PRSS37: variants seen among roughly 807,000 people sequenced by gnomAD.
PRSS37 encodes probable inactive serine protease 37.
In PRSS37, 25 loss-of-function variants were observed where a neutral mutation model predicts 28.0. The observed-to-expected ratio is 0.89, with a 90% CI of 0.65 to 1.25. PRSS37 has a LOEUF of 1.25. Ranked by LOEUF, PRSS37 falls within the 50% of genes most tolerant of loss-of-function variation. The pLI, the probability that PRSS37 is intolerant of heterozygous loss-of-function variation, is 0.00. For missense variants in PRSS37, 282 were observed against 292.2 expected (o/e 0.97, Z 0.25); for synonymous variants, 109 against 107.8 (o/e 1.01, Z -0.07).
At chr7:141,838,245 A>G (rs1801033177) in intron 2 of PRSS37, 132 bp from the exon 3 acceptor site, 2 of 1,483,322 alleles carry the variant, frequency 1.3e-6, no homozygotes, top group Non-Finnish European at 1.8e-6. Flanking sequence ...CAACAAGTCT[A>G]TGCAGTGGAT....
At position 141,841,356 on chromosome 7, in the gene PRSS37, G is replaced by T; in HGVS notation, c.-307C>A. 2.7e-6 allele frequency: 1 copy of T among 370,922 alleles called. No homozygotes were observed. Among genetic ancestry groups the T allele is most frequent in the Non-Finnish European group, 5.1e-6 (1 of 197,708 alleles). The allele number at this position is 370,922 out of a possible 1,614,324, so 23.0% of individuals were successfully genotyped here. A position where few individuals can be genotyped will look rare whatever the true frequency, so the allele number is the denominator to read the frequency against. On this transcript the variant is annotated 5_prime_UTR_variant, in exon 1 of 5. Coordinates refer to ENST00000350549, the MANE Select transcript of PRSS37 (RefSeq NM_001008270.3). ...GCCCCTAAAAACACATCTGTTTGAA[G>T]GTAGTTCAGTTGTCTGTGGAAATGG...
intron 1 of PRSS37, among the ~76,000 whole-genome samples, chr7:141,840,356 C>T (rs1801114286): frequency 1.3e-5 from 2 of 152,172 alleles, no homozygotes; most frequent in African/African-American, 4.8e-5. Flanking sequence ...TGTTAACCTT[C>T]CCCAAGACTG....
In PRSS37 at chr7:141,841,067, C is replaced by G. The variant is rs748465537; in HGVS notation, c.-18G>C. The G allele has an allele frequency of 1.9e-6, 3 of 1,613,368 alleles. No individual in the cohort carries two copies. The highest frequency in any genetic ancestry group is 1.3e-5 in the African/African-American group (1 of 74,894). ...TATTTCATGGTGATCCAGCTCTTCC[C>G]CCTGTGAGATGTAGAAGAAAATCAG... On this transcript the variant is annotated 5_prime_UTR_variant, in exon 1 of 5. Coordinates refer to ENST00000350549, the MANE Select transcript of PRSS37 (RefSeq NM_001008270.3).
chr7:141,837,723 CCAGA>C (rs1801008851), intron 3 of PRSS37, 133 bp downstream of exon 3: 1 of 1,542,350 alleles, frequency 6.5e-7, no homozygotes, highest in Non-Finnish European at 8.8e-7. Context: ...TCTCTGTTTG[CCAGA>C]CCACTCAGGT....
At chr7:141,838,726 C>T in intron 2 of PRSS37, 1 of 276,908 alleles carries the variant, frequency 3.6e-6, no homozygotes, top group Non-Finnish European at 7.1e-6. Flanking sequence ...CTAGGGGTTA[C>T]AATCCTTATC....
chr7:141,837,504 A>G (rs567354605), intron 3 of PRSS37: 136 of 1,354,898 alleles, frequency 1.0e-4, no homozygotes, highest in Non-Finnish European at 1.4e-4. Context: ...ACCTGAGGCA[A>G]TTCTCAGAGG....
At chr7:141,840,922 C>T (rs1801130187) in intron 1 of PRSS37, 94 bp downstream of exon 1, 2 of 1,274,122 alleles carry the variant, frequency 1.6e-6, no homozygotes, top group Non-Finnish European at 2.3e-6. Flanking sequence ...CTATTTTTGA[C>T]TCTTTTTCTG....
chr7:141,838,259 AT>A (rs1166057841), intron 2 of PRSS37, 146 bp from the exon 3 acceptor site: 10 of 1,470,280 alleles, frequency 6.8e-6, no homozygotes, highest in Non-Finnish European at 9.1e-6. Context: ...AGTGGATTCC[AT>A]TTTTATCCCC....
intron 1 of PRSS37, among the ~76,000 whole-genome samples, chr7:141,840,349 T>G (rs1337416935): frequency 6.6e-6 from 1 of 152,190 alleles, no homozygotes. Flanking sequence ...CTACTCCTGT[T>G]AACCTTCCCC....
rs10657416 is a variant in PRSS37, at chr7:141,836,551, CAGAGAG to C, written c.568-22_568-17del. On this transcript the variant is annotated splice_polypyrimidine_tract_variant and intron_variant, in intron 4 of 4. Transcript: ENST00000350549. ...CGGCCACCTCCTACCGGAGATCATG[CAGAGAG>C]AGAGAGAGAGAGAGAGTAAGAGTGT... 653 of 1,557,288 alleles carry C rather than the reference CAGAGAG, an allele frequency of 4.2e-4. No individual in the cohort carries two copies. The highest frequency in any genetic ancestry group is 5.1e-4 in the Non-Finnish European group (585 of 1,136,700).
At position 141,838,119 on chromosome 7, in the gene PRSS37, G is replaced by A. The variant is rs767491558; in HGVS notation, c.177-6C>T. 9 of 1,612,288 alleles carry A rather than the reference G, an allele frequency of 5.6e-6. No homozygotes were observed. Among genetic ancestry groups the A allele is most frequent in the Non-Finnish European group, 7.6e-6 (9 of 1,179,388 alleles). ...CCAGCATCACTTTCAGATTTCTGGA[G>A]GGAGAGGGGTTGGAAGTAATCATCA... On this transcript the variant is annotated splice_polypyrimidine_tract_variant and splice_region_variant and intron_variant, in intron 2 of 4. Coordinates refer to ENST00000350549, the MANE Select transcript of PRSS37 (RefSeq NM_001008270.3).
chr7:141,839,025 A>AG (rs1220311044), intron 2 of PRSS37: 2 of 515,950 alleles, frequency 3.9e-6, no homozygotes, highest in East Asian at 1.0e-4. Context: ...AAAAAAAAAA[A>AG]GAAAAAAACT....
rs554054631 is a variant in PRSS37 at position 141,841,097 on chromosome 7, G to T, written c.-48C>A. On this transcript the variant is annotated 5_prime_UTR_variant, in exon 1 of 5. Transcript: ENST00000350549. ...TGAGATGTAGAAGAAAATCAGCAGA[G>T]TGTGGAGCGGTTGGCTTAGTTGTCT... 1.6e-5 allele frequency: 26 copies of T among 1,611,954 alleles called. No individual in the cohort carries two copies. Among genetic ancestry groups the T allele is most frequent in the Admixed American group, 1.2e-4 (7 of 59,966 alleles).
rs1220705112 is a variant in PRSS37 at position 141,841,415 on chromosome 7, A to G, written c.-366T>C. 3.1e-5 allele frequency: 8 copies of G among 261,714 alleles called. No homozygotes were observed. The highest frequency in any genetic ancestry group is 3.7e-5 in the Non-Finnish European group (5 of 133,586). The allele number at this position is 261,714 out of a possible 1,614,324, so 16.2% of individuals were successfully genotyped here. The stretch of plus-strand genomic sequence containing the variant: ...GGCTCAGGACTTATCTTCCCCACAG[A>G]GTTTCTGAGACCAGGGCTATGAGGG... On this transcript the variant is annotated 5_prime_UTR_variant, in exon 1 of 5. Coordinates refer to ENST00000350549, the MANE Select transcript of PRSS37 (RefSeq NM_001008270.3).
intron 2 of PRSS37, chr7:141,838,473 AG>A: frequency 8.7e-7 from 1 of 1,149,536 alleles, no homozygotes; most frequent in Non-Finnish European, 1.1e-6. Flanking sequence ...TAAATAACCT[AG>A]TTCTGGGTGT....
intron 2 of PRSS37, chr7:141,838,356 ATGT>A: frequency 1.5e-6 from 2 of 1,371,834 alleles, no homozygotes; most frequent in South Asian, 3.4e-5. Context: ...CTACATTTTA[ATGT>A]TGTGTTCTTT....
chr7:141,839,337 C>A lies in PRSS37; in HGVS notation c.176+1G>T, dbSNP rs201625816. The A allele has an allele frequency of 1.2e-6, 2 of 1,613,146 alleles. No individual in the cohort carries two copies. The highest frequency in any genetic ancestry group is 2.2e-5 in the South Asian group (2 of 90,920). ...GGGATGGGGATGCCCAAATACTCAA[C>A]GGTAAATAGCAGTGAGCTGGGGCCA... On this transcript the variant is annotated splice_donor_variant, in intron 2 of 4. Transcript: ENST00000350549. LOFTEE classifies it high-confidence loss of function.
Position 141,837,208 on chromosome 7 carries a change from C to G in PRSS37, c.471G>C (p.Val157=). The change falls in exon 4 of 5, where the codon GTG becomes GTC. Residue 157 remains valine, a synonymous_variant. Transcript: ENST00000350549. The part of the protein sequence containing the change: ...PDLRQNLEAP[V]MSDRECQKTE... ...TTTTTTGGCATTCTCGATCAGACAT[C>G]ACGGGGGCCTCCAGGTTCTGCCGCA... 6.2e-7 allele frequency: 1 copy of G among 1,611,544 alleles called. No individual in the cohort carries two copies. Among genetic ancestry groups the G allele is most frequent in the Non-Finnish European group, 8.5e-7 (1 of 1,179,080 alleles).
chr7:141,841,146 A>C lies in PRSS37; in HGVS notation c.-97T>G. 1.3e-6 allele frequency: 2 copies of C among 1,595,002 alleles called. No individual in the cohort carries two copies. The highest frequency in any genetic ancestry group is 1.7e-6 in the Non-Finnish European group (2 of 1,168,476). ...CTTCTCAGGAACACCTGGTAGACTC[A>C]GTGGCTATGGTTAGATACGGAGGCA... is the stretch of plus-strand genomic sequence containing the variant. On this transcript the variant is annotated 5_prime_UTR_variant, in exon 1 of 5. Transcript: ENST00000350549.
Sources: gnomAD v4.1 joint callset for allele counts (sites outside exome capture counted in the v4.1 genomes callset) on GRCh38, gnomAD v4.1.1 for gene constraint, MANE v1.5 for transcripts, NCBI Gene and HGNC (gene_info 2026-07-23, HGNC 2026-07-21) for gene names.